Variants in OR6C2 observed in about 807,000 individuals in gnomAD.
OR6C2 encodes the protein olfactory receptor 6C2.
For synonymous variants in OR6C2, 146 were observed against 134.2 expected, an observed-to-expected ratio of 1.09 and a Z score of -0.61; for missense variants, 435 against 365.8, an observed-to-expected ratio of 1.19 and a Z score of -1.54.
intron 1 of OR6C2, among the ~76,000 whole-genome samples, chr12:55,448,755 G>T (rs1262367176): frequency 1.3e-5 from 2 of 151,422 alleles, no homozygotes; most frequent in African/African-American, 4.8e-5. Context: ...GAATGCTGTA[G>T]TATTTTAGGT....
intron 1 of OR6C2, among the ~76,000 whole-genome samples, chr12:55,449,528 G>C (rs1871428149): frequency 6.6e-6 from 1 of 151,726 alleles, no homozygotes. Context: ...TGAACTTCTT[G>C]GGTATATCCA....
At chr12:55,445,604 G>A (rs1871348378) in intron 1 of OR6C2, among the ~76,000 whole-genome samples, 1 of 152,142 alleles carries the variant, frequency 6.6e-6, no homozygotes. Context: ...ATTGCTCCAT[G>A]AACAGAAATA....
chr12:55,450,481 G>A (rs1036592309), intron 1 of OR6C2, among the ~76,000 whole-genome samples: 1 of 152,118 alleles, frequency 6.6e-6, no homozygotes. Flanking sequence ...ACATGAAAGT[G>A]ATTAACCTGT....
At chr12:55,449,710 A>G (rs1450530823) in intron 1 of OR6C2, among the ~76,000 whole-genome samples, 2 of 151,848 alleles carry the variant, frequency 1.3e-5, no homozygotes, top group Admixed American at 1.3e-4. Flanking sequence ...TGAGAATCAA[A>G]TTCTGGAAAA....
chr12:55,452,881 T>A lies in OR6C2; in HGVS notation c.668T>A (p.Ile223Asn). Residue 223 changes from isoleucine to asparagine, a missense_variant, in exon 2 of 2, where the codon ATT (isoleucine) becomes AAT (asparagine). Transcript: ENST00000641202. Reference sequence around the variant, plus strand: ...TCCTACTTGTACATAGTCAGAACAATTCTGAAGTTCCCTTCTGTTCAGCAA... The same window carrying A: ...TCCTACTTGTACATAGTCAGAACAAATCTGAAGTTCCCTTCTGTTCAGCAA... ...ILSYLYIVRTILKFPSVQQRK... is the reference protein window; with the variant it reads ...ILSYLYIVRTNLKFPSVQQRK... The A allele has an allele frequency of 6.2e-7, 1 of 1,613,870 alleles. No individual in the cohort carries two copies. Among genetic ancestry groups the A allele is most frequent in the Non-Finnish European group, 8.5e-7 (1 of 1,179,822 alleles).
Position 55,451,311 on chromosome 12 carries a change from C to T in OR6C2, c.-887-16C>T, listed in dbSNP as rs1871465263. 3 of 151,944 alleles carry T rather than the reference C, an allele frequency of 2.0e-5. No homozygotes were observed. In the South Asian group the frequency reaches 6.2e-4, roughly 32 times the overall value. 9.4% of individuals were successfully genotyped at this position (151,944 alleles called of 1,614,324 possible). On this transcript the variant is annotated splice_polypyrimidine_tract_variant and intron_variant, in intron 1 of 1. Transcript: ENST00000641202. ...CCATTCCCACCTACCCCCGAACCCC[C>T]CACTATACTTCCCAGCCTCTGGTAA... is the stretch of plus-strand genomic sequence containing the variant.
Position 55,450,620 on chromosome 12 carries a change from C to T in OR6C2, c.-887-707C>T, listed in dbSNP as rs115722541. Among the ~76,000 whole-genome samples, 480 of 152,152 alleles carry T rather than the reference C, an allele frequency of 3.2e-3. 1 individual carries two copies. Among genetic ancestry groups the T allele is most frequent in the African/African-American group, 0.011 (453 of 41,524 alleles). On this transcript the variant is annotated intron_variant, in intron 1 of 1. Transcript: ENST00000641202. Reference sequence around the variant, plus strand: ...GATGTATACTTAGCAATGCTTTTTACCTGATCTTTGGCTACATCACATACA... The same window carrying T: ...GATGTATACTTAGCAATGCTTTTTATCTGATCTTTGGCTACATCACATACA...
chr12:55,445,558 T>C (rs1017713940), intron 1 of OR6C2, among the ~76,000 whole-genome samples: 1 of 152,184 alleles, frequency 6.6e-6, no homozygotes, highest in Non-Finnish European at 1.5e-5. Flanking sequence ...GCTACCATTA[T>C]AAATAATTAA....
At chr12:55,448,552 A>T (rs1871403966) in intron 1 of OR6C2, among the ~76,000 whole-genome samples, 1 of 147,278 alleles carries the variant, frequency 6.8e-6, no homozygotes, top group Non-Finnish European at 1.5e-5. Flanking sequence ...ACCAAAAAAG[A>T]CAGGATTAAA....
In OR6C2 at chr12:55,452,187, G is replaced by A; in HGVS notation, c.-27G>A. The A allele has an allele frequency of 7.1e-7, 1 of 1,416,216 alleles. No individual in the cohort carries two copies. The highest frequency in any genetic ancestry group is 9.6e-7 in the Non-Finnish European group (1 of 1,039,544). 87.7% of individuals were successfully genotyped at this position (1,416,216 alleles called of 1,614,324 possible). On this transcript the variant is annotated 5_prime_UTR_variant, in exon 2 of 2. Coordinates refer to ENST00000641202, the MANE Select transcript of OR6C2 (RefSeq NM_054105.2). ...CTCATAAACCGTGATTTTTAAAGGA[G>A]GATTGGGTAGATATCAAAGAACAGT...
intron 1 of OR6C2, among the ~76,000 whole-genome samples, chr12:55,446,489 G>A (rs1414283381): frequency 2.0e-5 from 3 of 152,266 alleles, no homozygotes; most frequent in Middle Eastern, 6.8e-3. Flanking sequence ...CCTTGTGCAT[G>A]GCTTGCATCA....
chr12:55,449,803 A>T (rs1180247371), intron 1 of OR6C2, among the ~76,000 whole-genome samples: 1 of 151,940 alleles, frequency 6.6e-6, no homozygotes, highest in African/African-American at 2.4e-5. Context: ...TAACAATAGC[A>T]TGTAAGGAAT....
Position 55,452,426 on chromosome 12 carries a change from T to A in OR6C2, c.213T>A (p.Phe71Leu). 1 of 1,613,586 alleles carries A rather than the reference T, an allele frequency of 6.2e-7. No individual in the cohort carries two copies. Among genetic ancestry groups the A allele is most frequent in the Non-Finnish European group, 8.5e-7 (1 of 1,179,576 alleles). ...ATTTTTCCTTCTTAGAAGTCTCATTTACTACAGTCTGCATTCCCAGATTCT... is the reference window on the plus strand; with the variant it reads ...ATTTTTCCTTCTTAGAAGTCTCATTAACTACAGTCTGCATTCCCAGATTCT... ...LRNFSFLEVSFTTVCIPRFLY... is the reference protein window; with the variant it reads ...LRNFSFLEVSLTTVCIPRFLY... The change falls in exon 2 of 2, where the codon TTT (phenylalanine) becomes TTA (leucine). Residue 71 changes from phenylalanine to leucine, a missense_variant. By Grantham distance (22) the Phe-to-Leu change is conservative. Transcript: ENST00000641202.
chr12:55,446,023 G>C (rs1871354094), intron 1 of OR6C2, among the ~76,000 whole-genome samples: 2 of 152,176 alleles, frequency 1.3e-5, no homozygotes, highest in African/African-American at 4.8e-5. Context: ...CTAATTCAGA[G>C]AATTATACAC....
intron 1 of OR6C2, among the ~76,000 whole-genome samples, chr12:55,444,794 G>T (rs1214723749): frequency 6.6e-6 from 1 of 152,118 alleles, no homozygotes; most frequent in Non-Finnish European, 1.5e-5. Context: ...CACTTTTCAT[G>T]ACCCTGAAGT....
At chr12:55,450,900 C>T (rs1871455550) in intron 1 of OR6C2, among the ~76,000 whole-genome samples, 1 of 151,934 alleles carries the variant, frequency 6.6e-6, no homozygotes, top group South Asian at 2.1e-4. Flanking sequence ...CTAAATGTGC[C>T]CTTAGCTTCA....
rs752360079 is a variant in OR6C2 at position 55,452,243 on chromosome 12, T to C, written c.30T>C (p.Phe10=). Residue 10 remains phenylalanine (F), a synonymous_variant, in exon 2 of 2, where the codon TTT becomes TTC. Transcript: ENST00000641202. MKNHTVIRT[F]ILLGLTGDPH... is the part of the protein sequence containing the mutation. ...AAAACCACACAGTAATAAGAACTTT[T>C]ATCCTGCTGGGACTGACAGGTGACC... The C allele has an allele frequency of 1.3e-6, 2 of 1,594,442 alleles. No homozygotes were observed. Among genetic ancestry groups the C allele is most frequent in the African/African-American group, 1.4e-5 (1 of 73,978 alleles).
rs59178718 is a variant in OR6C2, at chr12:55,448,643, C to CAAAAA, written c.-887-2672_-887-2668dup. 1.6e-3 allele frequency among the ~76,000 whole-genome samples: 116 copies of CAAAAA among 71,702 alleles called. 2 individuals carry two copies. Among genetic ancestry groups the CAAAAA allele is most frequent in the African/African-American group, 1.4e-3 (28 of 19,416 alleles). 47.0% of individuals were successfully genotyped at this position (71,702 alleles called of 152,430 possible). The stretch of plus-strand genomic sequence containing the variant: ...TCCTGTATCTGGCTTCCATTCACTG[C>CAAAAA]AAAAAAAAAAAAAAAAGAAAGAAAA... On this transcript the variant is annotated intron_variant, in intron 1 of 1. Coordinates refer to ENST00000641202, the MANE Select transcript of OR6C2 (RefSeq NM_054105.2).
At chr12:55,450,676 G>A (rs1034766967) in intron 1 of OR6C2, among the ~76,000 whole-genome samples, 1 of 151,848 alleles carries the variant, frequency 6.6e-6, no homozygotes, top group African/African-American at 2.4e-5. Flanking sequence ...AAGAGTAGAG[G>A]GTAAGAAGAG....
Sources: gnomAD v4.1 joint callset for allele counts (sites outside exome capture counted in the v4.1 genomes callset) on GRCh38, gnomAD v4.1.1 for gene constraint, MANE v1.5 for transcripts, NCBI Gene and HGNC (gene_info 2026-07-23, HGNC 2026-07-21) for gene names.